The following DNAH11 variants were observed in gnomAD, a reference collection of about 807,000 sequenced individuals.
The protein encoded by DNAH11 is dynein axonemal heavy chain 11.
In DNAH11, 442 loss-of-function variants were observed where a neutral mutation model predicts 526.0. The observed-to-expected ratio is 0.84, with a 90% CI of 0.78 to 0.91. DNAH11 has a LOEUF of 0.91. DNAH11 is among the 40% of genes least tolerant of loss of function. The probability of loss-of-function intolerance (pLI) is 0.00; values close to 1 mark genes in which losing one functional copy is unlikely to be tolerated. For synonymous variants in DNAH11, 2,461 were observed against 1,935.9 expected, an observed-to-expected ratio of 1.27 and a Z score of -7.12; for missense variants, 6,989 against 5,448.7, an observed-to-expected ratio of 1.28 and a Z score of -8.90.
At chr7:21,738,443 A>G (rs977231870) in intron 46 of DNAH11, among the ~76,000 whole-genome samples, 4 of 152,134 alleles carry the variant, frequency 2.6e-5, no homozygotes, top group African/African-American at 9.7e-5. Context: ...TGACAATGTG[A>G]TGTCATGCTG....
chr7:21,681,272 T>C (rs1783124036), intron 30 of DNAH11, among the ~76,000 whole-genome samples: 1 of 151,806 alleles, frequency 6.6e-6, no homozygotes, highest in Non-Finnish European at 1.5e-5. Flanking sequence ...ACGAAAAATA[T>C]AAGAATTAGC....
chr7:21,590,791 C>A (rs868334497), intron 12 of DNAH11, 127 bp from the exon 13 acceptor site: 2 of 577,016 alleles, frequency 3.5e-6, no homozygotes, highest in Non-Finnish European at 5.3e-6. Flanking sequence ...AAACAAAAGT[C>A]TATTTACCTT....
intron 32 of DNAH11, among the ~76,000 whole-genome samples, chr7:21,684,997 C>G (rs995184806): frequency 6.6e-5 from 10 of 152,190 alleles, no homozygotes; most frequent in African/African-American, 2.4e-4. Flanking sequence ...AGCTGGTTTG[C>G]TATGGTAGTC....
intron 32 of DNAH11, among the ~76,000 whole-genome samples, chr7:21,686,469 T>C (rs1246917277): frequency 1.3e-5 from 2 of 152,244 alleles, no homozygotes; most frequent in African/African-American, 4.8e-5. Flanking sequence ...TCTTGTTTCA[T>C]GATTTTCTAA....
rs976236896 is a variant in DNAH11 at position 21,543,812 on chromosome 7, T to C, written c.351+216T>C. On this transcript the variant is annotated intron_variant, in intron 1 of 81. Transcript: ENST00000409508. Reference sequence around the variant, plus strand: ...GTTAGTTTCCTAAGTCAGCAGTTTGTATCTGACCGAGAATCCCGCGTTGAG... The same window carrying C: ...GTTAGTTTCCTAAGTCAGCAGTTTGCATCTGACCGAGAATCCCGCGTTGAG... 1.7e-5 allele frequency: 10 copies of C among 580,550 alleles called. No homozygotes were observed. The African/African-American group carries it at 1.9e-4, about 11-fold the overall frequency. The allele number at this position is 580,550 out of a possible 1,614,324, so 36.0% of individuals were successfully genotyped here. A position where few individuals can be genotyped will look rare whatever the true frequency, so the allele number is the denominator to read the frequency against.
chr7:21,629,785 T>C (rs188054694), intron 25 of DNAH11, among the ~76,000 whole-genome samples: 3 of 152,216 alleles, frequency 2.0e-5, no homozygotes, highest in African/African-American at 7.2e-5. Flanking sequence ...CATTTTCCAC[T>C]CTTTCACTTT....
intron 77 of DNAH11, 122 bp downstream of exon 77, chr7:21,892,789 C>T: frequency 8.7e-7 from 1 of 1,146,132 alleles, no homozygotes. Context: ...ACAACCACCA[C>T]CTAGATCAAA....
At chr7:21,692,711 T>A (rs988483103) in intron 35 of DNAH11, among the ~76,000 whole-genome samples, 1 of 152,256 alleles carries the variant, frequency 6.6e-6, no homozygotes, top group East Asian at 1.9e-4. Flanking sequence ...CTAGTCTACA[T>A]GGCAATTGTG....
chr7:21,772,185 T>A (rs984231593), intron 55 of DNAH11, among the ~76,000 whole-genome samples: 4 of 152,180 alleles, frequency 2.6e-5, no homozygotes, highest in Non-Finnish European at 1.5e-5. Context: ...TTTGCCCCAT[T>A]GAGACAAGTT....
chr7:21,606,615 CTT>C (rs372802563), intron 19 of DNAH11, 30 bp from the exon 20 acceptor site: 24,003 of 1,161,724 alleles, frequency 0.021, 2 homozygotes, highest in Middle Eastern at 0.032. Context: ...TTGAAATTCA[CTT>C]TTTTTTTTTT....
intron 65 of DNAH11, among the ~76,000 whole-genome samples, chr7:21,830,723 A>G (rs1268132173): frequency 6.6e-6 from 1 of 151,952 alleles, no homozygotes; most frequent in Non-Finnish European, 1.5e-5. Flanking sequence ...GCTCTTCTTG[A>G]TCTAATATTA....
intron 32 of DNAH11, among the ~76,000 whole-genome samples, chr7:21,685,667 G>A (rs1783342449): frequency 2.0e-5 from 3 of 152,156 alleles, no homozygotes; most frequent in Admixed American, 1.3e-4. Flanking sequence ...TGACTAGAAG[G>A]ATGCCGGTTA....
intron 54 of DNAH11, among the ~76,000 whole-genome samples, chr7:21,751,188 G>T (rs1173351833): frequency 6.6e-6 from 1 of 152,098 alleles, no homozygotes; most frequent in Admixed American, 6.5e-5. Flanking sequence ...GCCAGGCTTG[G>T]TGGCATGTGC....
chr7:21,708,937 A>G (rs1227858428), intron 40 of DNAH11, among the ~76,000 whole-genome samples: 1 of 152,208 alleles, frequency 6.6e-6, no homozygotes, highest in Non-Finnish European at 1.5e-5. Flanking sequence ...AAGTCAAATG[A>G]TGATGGTGAG....
chr7:21,609,450 C>G (rs909789179), intron 20 of DNAH11, among the ~76,000 whole-genome samples: 3 of 152,146 alleles, frequency 2.0e-5, no homozygotes, highest in Non-Finnish European at 2.9e-5. Flanking sequence ...GAACTCTTGA[C>G]CTCCAGTGAT....
At chr7:21,787,799 G>C (rs1391089413) in intron 60 of DNAH11, among the ~76,000 whole-genome samples, 1 of 152,120 alleles carries the variant, frequency 6.6e-6, no homozygotes, top group Non-Finnish European at 1.5e-5. Context: ...CAGAGTGATT[G>C]GCTCCTTTAG....
At chr7:21,628,474 A>G (rs552323531) in intron 25 of DNAH11, among the ~76,000 whole-genome samples, 5 of 152,194 alleles carry the variant, frequency 3.3e-5, no homozygotes, top group South Asian at 2.1e-4. Flanking sequence ...TTCTGTGCCA[A>G]TTTTGATGAG....
intron 45 of DNAH11, among the ~76,000 whole-genome samples, chr7:21,728,389 A>G (rs562304729): frequency 1.3e-5 from 2 of 151,170 alleles, no homozygotes; most frequent in African/African-American, 4.9e-5. Flanking sequence ...TCCCGAGTAG[A>G]TGGGACTACA....
intron 36 of DNAH11, among the ~76,000 whole-genome samples, chr7:21,702,224 T>C (rs1784093769): frequency 6.6e-6 from 1 of 151,808 alleles, no homozygotes. Context: ...GACATGGTTT[T>C]TATTATATTA....
Sources: allele counts gnomAD v4.1 joint callset (sites outside exome capture counted in the v4.1 genomes callset), GRCh38; gene constraint gnomAD v4.1.1; transcripts MANE v1.5; gene names NCBI Gene and HGNC (gene_info 2026-07-23, HGNC 2026-07-21).